RAB3GAP1: variants seen among roughly 807,000 people sequenced by gnomAD.
The protein encoded by RAB3GAP1 is rab3 GTPase-activating protein catalytic subunit.
RAB3GAP1 carries 86 observed loss-of-function variants against 130.7 expected under a neutral mutation model. The ratio of observed to expected loss-of-function variants is 0.66; its 90% CI spans 0.55 to 0.79. The LOEUF is 0.79. Ranked by LOEUF, RAB3GAP1 falls within the 30% of genes least tolerant of loss-of-function variation. The probability of loss-of-function intolerance (pLI) is 0.00; values close to 1 mark genes in which losing one functional copy is unlikely to be tolerated. For synonymous variants in RAB3GAP1, 367 were observed against 401.7 expected, an observed-to-expected ratio of 0.91 and a Z score of 1.03; for missense variants, 1,029 against 1,169.4, an observed-to-expected ratio of 0.88 and a Z score of 1.75.
chr2:135,155,151 A>G (rs540370950), intron 19 of RAB3GAP1, among the ~76,000 whole-genome samples: 1 of 152,286 alleles, frequency 6.6e-6, no homozygotes, highest in Non-Finnish European at 1.5e-5. Context: ...CAGAAATACT[A>G]AAATCAAGAA....
intron 17 of RAB3GAP1, among the ~76,000 whole-genome samples, chr2:135,145,399 T>C (rs6716855): frequency 9.5e-5 from 14 of 147,110 alleles, no homozygotes; most frequent in East Asian, 3.9e-4. Flanking sequence ...CACACACACA[T>C]ACACACACAC....
In RAB3GAP1 at chr2:135,124,227, G is replaced by A. The variant is rs761350027; in HGVS notation, c.811G>A (p.Ala271Thr). The A allele has an allele frequency of 1.2e-6, 2 of 1,614,096 alleles. No individual in the cohort carries two copies. Among genetic ancestry groups the A allele is most frequent in the South Asian group, 1.1e-5 (1 of 91,078 alleles). Residue 271 changes from alanine (A) to threonine (T), a missense_variant, in exon 9 of 24, where the codon GCC (alanine) becomes ACC (threonine). This residue lies in a region of RAB3GAP1 where 510 missense variants were observed against 532.1 expected (regional missense o/e 0.96). Coordinates refer to ENST00000264158, the MANE Select transcript of RAB3GAP1 (RefSeq NM_012233.3). ...GGAGTTTGGCAAGTTACCATTTGGTGCCTGCGAAGATCCTATTAGGTGAGA... is the reference window on the plus strand; with the variant it reads ...GGAGTTTGGCAAGTTACCATTTGGTACCTGCGAAGATCCTATTAGGTGAGA... ...GLEFGKLPFG[A>T]CEDPISELHL...
At chr2:135,142,695 T>G (rs1000346026) in intron 17 of RAB3GAP1, among the ~76,000 whole-genome samples, 7 of 147,264 alleles carry the variant, frequency 4.8e-5, no homozygotes, top group Non-Finnish European at 1.1e-4. Flanking sequence ...TTGTTTTTTG[T>G]TTTTTTTTTA....
downstream of RAB3GAP1, among the ~76,000 whole-genome samples, chr2:135,173,164 T>C (rs1692904095): frequency 6.6e-6 from 1 of 152,126 alleles, no homozygotes; most frequent in Non-Finnish European, 1.5e-5. Context: ...GGGTAATTTA[T>C]TATGCAGCAA....
At chr2:135,081,352 A>ATATG (rs1261075985) in intron 3 of RAB3GAP1, among the ~76,000 whole-genome samples, 1 of 92,866 alleles carries the variant, frequency 1.1e-5, no homozygotes, top group Non-Finnish European at 1.9e-5. Context: ...ATATATATAT[A>ATATG]TATATATATA....
chr2:135,116,359 A>C (rs1690972664), intron 7 of RAB3GAP1, among the ~76,000 whole-genome samples: 2 of 152,162 alleles, frequency 1.3e-5, no homozygotes, highest in Admixed American at 1.3e-4. Flanking sequence ...TGTTTAACAT[A>C]CTGTAAATCA....
intron 9 of RAB3GAP1, among the ~76,000 whole-genome samples, chr2:135,124,912 T>C (rs577865854): frequency 1.3e-5 from 2 of 152,330 alleles, no homozygotes; most frequent in East Asian, 1.9e-4. Flanking sequence ...TCTGGCTCTT[T>C]ATAGAAAATG....
chr2:135,124,047 C>T lies in RAB3GAP1; in HGVS notation c.749-118C>T, dbSNP rs557868026. ...GCTGTAAGTTGGTCTAACTTGCTAA[C>T]TTGCTACATGTGTTCTCTTGCAGAC... On this transcript the variant is annotated intron_variant, in intron 8 of 23. Transcript: ENST00000264158. 350 of 956,290 alleles carry T rather than the reference C, an allele frequency of 3.7e-4. 4 individuals are homozygous for T. The highest frequency in any genetic ancestry group is 1.5e-3 in the South Asian group (105 of 69,538). The allele number at this position is 956,290 out of a possible 1,614,324, so 59.2% of individuals were successfully genotyped here.
Position 135,162,616 on chromosome 2 carries a change from T to C in RAB3GAP1, c.2351T>C (p.Val784Ala). 1 of 1,614,188 alleles carries C rather than the reference T, an allele frequency of 6.2e-7. No homozygotes were observed. ...ADLARHLLPC[V>A]IHAAVLKVKE... is the part of the protein sequence containing the mutation. The stretch of plus-strand genomic sequence containing the variant: ...CTTGCTCGGCACCTGTTACCTTGTG[T>C]GATTCATGCAGCTGTACTCAAGGTA... Residue 784 changes from valine (V) to alanine (A), a missense_variant, in exon 20 of 24, where the codon GTG becomes GCG. By Grantham distance (64) the Val-to-Ala change is moderately conservative. Transcript: ENST00000264158.
At chr2:135,063,430 T>A (rs1333864307) in intron 3 of RAB3GAP1, among the ~76,000 whole-genome samples, 1 of 152,148 alleles carries the variant, frequency 6.6e-6, no homozygotes, top group Non-Finnish European at 1.5e-5. Context: ...ATCCAGAACT[T>A]TTTTCATCAG....
In RAB3GAP1 at chr2:135,113,275, G is replaced by A. The variant is rs2104913308; in HGVS notation, c.482+5G>A. The stretch of plus-strand genomic sequence containing the variant: ...TGCCTTGGGAAACACTGGCTGGTGA[G>A]TGGACATTTTTTAAAACCTAGACAA... On this transcript the variant is annotated splice_donor_5th_base_variant and intron_variant, in intron 6 of 23. Coordinates refer to ENST00000264158, the MANE Select transcript of RAB3GAP1 (RefSeq NM_012233.3). 1 of 1,614,134 alleles carries A rather than the reference G, an allele frequency of 6.2e-7. No homozygotes were observed. The highest frequency in any genetic ancestry group is 1.1e-5 in the South Asian group (1 of 91,086).
intron 19 of RAB3GAP1, among the ~76,000 whole-genome samples, chr2:135,161,011 A>G (rs534898947): frequency 1.1e-4 from 17 of 152,222 alleles, no homozygotes; most frequent in Non-Finnish European, 1.9e-4. Flanking sequence ...GGGGAATCAC[A>G]TATTTCACGT....
Position 135,169,065 on chromosome 2 carries a change from GTCCTCACAC to G in RAB3GAP1, c.*286_*294del. The G allele has an allele frequency of 2.0e-6, 1 of 491,328 alleles. No homozygotes were observed. Among genetic ancestry groups the G allele is most frequent in the Non-Finnish European group, 3.7e-6 (1 of 267,664 alleles). 30.4% of individuals were successfully genotyped at this position (491,328 alleles called of 1,614,324 possible). A position where few individuals can be genotyped will look rare whatever the true frequency, so the allele number is the denominator to read the frequency against. On this transcript the variant is annotated 3_prime_UTR_variant, in exon 24 of 24. Coordinates refer to ENST00000264158, the MANE Select transcript of RAB3GAP1 (RefSeq NM_012233.3). ...GGGACACAAACACATCAGACACTCC[GTCCTCACAC>G]TGGCAGGACGGTGTTCATCGCATTC...
At chr2:135,100,859 A>G (rs1690429260) in intron 5 of RAB3GAP1, among the ~76,000 whole-genome samples, 1 of 152,236 alleles carries the variant, frequency 6.6e-6, no homozygotes, top group Non-Finnish European at 1.5e-5. Context: ...AGTTTGATGG[A>G]AACTCATAGG....
rs1224582826 is a variant in RAB3GAP1, at chr2:135,170,628, T to C, written c.*1847T>C. 7 of 150,342 alleles carry C rather than the reference T, an allele frequency of 4.7e-5. No individual in the cohort carries two copies. The highest frequency in any genetic ancestry group is 4.6e-4 in the Admixed American group (7 of 15,096). The allele number at this position is 150,342 out of a possible 1,614,324, so 9.3% of individuals were successfully genotyped here. On this transcript the variant is annotated 3_prime_UTR_variant, in exon 24 of 24. Coordinates refer to ENST00000264158, the MANE Select transcript of RAB3GAP1 (RefSeq NM_012233.3). ...TGCTGTGTGGATCGGAGGGCCTGCA[T>C]TTATCCTACAAATAATTGAATGTAA...
chr2:135,161,452 C>G (rs1573610708), intron 19 of RAB3GAP1, among the ~76,000 whole-genome samples: 1 of 151,768 alleles, frequency 6.6e-6, no homozygotes, highest in Non-Finnish European at 1.5e-5. Context: ...AAGGTTAAAA[C>G]TAGACAAAAG....
chr2:135,118,374 A>G (rs1175326555), intron 7 of RAB3GAP1, among the ~76,000 whole-genome samples: 5 of 152,224 alleles, frequency 3.3e-5, no homozygotes, highest in African/African-American at 1.2e-4. Context: ...ATTTGAGAGA[A>G]TTGAACTTAA....
intron 2 of RAB3GAP1, among the ~76,000 whole-genome samples, chr2:135,052,714 C>T (rs532025315): frequency 1.4e-4 from 21 of 152,322 alleles, no homozygotes; most frequent in African/African-American, 4.8e-4. Flanking sequence ...GGCTCAGGCT[C>T]TCAGAAAGTT....
chr2:135,077,154 T>C (rs1181153862), intron 3 of RAB3GAP1, among the ~76,000 whole-genome samples: 2 of 151,622 alleles, frequency 1.3e-5, no homozygotes, highest in Non-Finnish European at 2.9e-5. Context: ...CCTGTGGTCC[T>C]AGCTACTCGG....
Sources: allele counts gnomAD v4.1 joint callset (sites outside exome capture counted in the v4.1 genomes callset), GRCh38; gene constraint gnomAD v4.1.1; regional missense constraint gnomAD v4.1.1; transcripts MANE v1.5; gene names NCBI Gene and HGNC (gene_info 2026-07-23, HGNC 2026-07-21).